Variants in PHACTR2 observed in about 807,000 individuals in gnomAD.
PHACTR2 encodes chromosome 6 open reading frame 56.
In PHACTR2, 30 loss-of-function variants were observed where a neutral mutation model predicts 76.0. The ratio of observed to expected loss-of-function variants is 0.39; its 90% CI spans 0.30 to 0.54. The LOEUF is 0.54. Among genes scored for constraint, PHACTR2 ranks in the 20% least tolerant of loss-of-function variants. PHACTR2 has a pLI of 0.61. For missense variants in PHACTR2, 696 were observed against 781.1 expected (o/e 0.89, Z 1.30); for synonymous variants, 292 against 292.5 (o/e 1.00, Z 0.02).
At position 143,811,786 on chromosome 6, in the gene PHACTR2, C is replaced by A. The variant is rs147699840; in HGVS notation, c.1922+4653C>A. Reference sequence around the variant, plus strand: ...GATTTTCAAGCTGTTTTCAGTAATTCTTTTAAGGGGAAAAAGTTCTGGTAA... The same window carrying A: ...GATTTTCAAGCTGTTTTCAGTAATTATTTTAAGGGGAAAAAGTTCTGGTAA... On this transcript the variant is annotated intron_variant, in intron 12 of 12. Coordinates refer to ENST00000440869, the MANE Select transcript of PHACTR2 (RefSeq NM_001100164.2). This position sits in a 1 kb window ranked among gnomAD's most constrained non-coding sequence, Gnocchi z 4.1. Among the ~76,000 whole-genome samples the A allele has an allele frequency of 4.7e-3, 714 of 152,108 alleles. 7 individuals carry two copies. Among genetic ancestry groups the A allele is most frequent in the African/African-American group, 0.016 (682 of 41,514 alleles).
In PHACTR2 at chr6:143,806,498, G is replaced by A. The variant is rs1279964639; in HGVS notation, c.1846-559G>A. ...AAATGTCATGACCTGCACTTTCCTT[G>A]TGGTCATCGTGGGTGGGGGATGTTC... On this transcript the variant is annotated intron_variant, in intron 11 of 12. Transcript: ENST00000440869. The surrounding 1 kb of genome is among the most constrained non-coding windows in gnomAD (Gnocchi z 5.8). Among the ~76,000 whole-genome samples, 1 of 152,152 alleles carries A rather than the reference G, an allele frequency of 6.6e-6. No individual in the cohort carries two copies. The highest frequency in any genetic ancestry group is 2.4e-5 in the African/African-American group (1 of 41,430).
At position 143,820,675 on chromosome 6, in the gene PHACTR2, A is replaced by G. The variant is rs1313455786; in HGVS notation, c.1923-2999A>G. 6.6e-6 allele frequency among the ~76,000 whole-genome samples: 1 copy of G among 152,210 alleles called. No homozygotes were observed. Among genetic ancestry groups the G allele is most frequent in the Non-Finnish European group, 1.5e-5 (1 of 68,040 alleles). On this transcript the variant is annotated intron_variant, in intron 12 of 12. Coordinates refer to ENST00000440869, the MANE Select transcript of PHACTR2 (RefSeq NM_001100164.2). The surrounding 1 kb of genome is among the most constrained non-coding windows in gnomAD (Gnocchi z 4.2). ...TGTGGCTTTTCCAGGCACAGGGTGC[A>G]AGCTGCCAGTGGATCTACCATTCTG...
In PHACTR2 at chr6:143,539,469, C is replaced by T. The variant is rs1781152733; in HGVS notation, c.217+2262C>T. 6.6e-6 allele frequency among the ~76,000 whole-genome samples: 1 copy of T among 152,204 alleles called. No homozygotes were observed. Among genetic ancestry groups the T allele is most frequent in the Non-Finnish European group, 1.5e-5 (1 of 68,038 alleles). On this transcript the variant is annotated intron_variant, in intron 1 of 11. Transcript: ENST00000367584. The surrounding 1 kb of genome is among the most constrained non-coding windows in gnomAD (Gnocchi z 4.3). ...CACAGAGTATTTCTCCAGCATGCCC[C>T]ACAGCCTCTGCAGCCTCTGTAAGCC...
In PHACTR2 at chr6:143,662,942, T is replaced by C. The variant is rs903709843; in HGVS notation, c.14-49074T>C. Among the ~76,000 whole-genome samples the C allele has an allele frequency of 5.3e-5, 8 of 152,184 alleles. No individual in the cohort carries two copies. The highest frequency in any genetic ancestry group is 1.9e-4 in the African/African-American group (8 of 41,446). On this transcript the variant is annotated intron_variant, in intron 1 of 11. Coordinates refer to the PHACTR2 transcript ENST00000305766. The surrounding 1 kb of genome is among the most constrained non-coding windows in gnomAD (Gnocchi z 4.7). Reference sequence around the variant, plus strand: ...GTGTGCTCAATGTTTAGCTCCCACTTATAAGTGAGAATATGTGATATTTGG... The same window carrying C: ...GTGTGCTCAATGTTTAGCTCCCACTCATAAGTGAGAATATGTGATATTTGG...
At chr6:143,666,978 C>T (rs1296483966) in intron 1 of PHACTR2, among the ~76,000 whole-genome samples, 7 of 152,058 alleles carry the variant, frequency 4.6e-5, no homozygotes, top group Admixed American at 6.6e-5. Context: ...ATGGTATTGC[C>T]GAGGTTTTCT....
Position 143,753,085 on chromosome 6 carries a change from AT to A in PHACTR2, c.296-667del, listed in dbSNP as rs1426094801. The stretch of plus-strand genomic sequence containing the variant: ...TTTTTTTTTTCTCGAATGTTTTCAA[AT>A]TATTTTTAGGACAACTTAGGGACTT... On this transcript the variant is annotated intron_variant, in intron 3 of 12. Transcript: ENST00000440869. This position sits in a 1 kb window ranked among gnomAD's most constrained non-coding sequence, Gnocchi z 4.6. Among the ~76,000 whole-genome samples the A allele has an allele frequency of 6.6e-6, 1 of 151,714 alleles. No individual in the cohort carries two copies. The highest frequency in any genetic ancestry group is 6.6e-5 in the Admixed American group (1 of 15,246).
At position 143,680,229 on chromosome 6, in the gene PHACTR2, A is replaced by C. The variant is rs991781991; in HGVS notation, c.46+2020A>C. On this transcript the variant is annotated intron_variant, in intron 1 of 12. Coordinates refer to ENST00000440869, the MANE Select transcript of PHACTR2 (RefSeq NM_001100164.2). The surrounding 1 kb of genome is among the most constrained non-coding windows in gnomAD (Gnocchi z 4.5). Reference sequence around the variant, plus strand: ...ATTTTTCTGAGTCTGAGACTGTCAAACTCTCTACTATTCCAGGTATTTTGT... The same window carrying C: ...ATTTTTCTGAGTCTGAGACTGTCAACCTCTCTACTATTCCAGGTATTTTGT... Among the ~76,000 whole-genome samples, 1 of 151,928 alleles carries C rather than the reference A, an allele frequency of 6.6e-6. No homozygotes were observed. The highest frequency in any genetic ancestry group is 1.5e-5 in the Non-Finnish European group (1 of 67,962).
intron 1 of PHACTR2, among the ~76,000 whole-genome samples, chr6:143,588,429 T>G (rs1005211025): frequency 4.4e-5 from 5 of 114,616 alleles, no homozygotes; most frequent in Non-Finnish European, 9.6e-5. Context: ...GCCGCTTTGA[T>G]GAAAAGATCT....
rs568844888 is a variant in PHACTR2 at position 143,610,617 on chromosome 6, G to T, written c.13+2295G>T. ...CGCTGCATCAGGATATTTGTGCATG[G>T]TTTCTGCTGTTAACAAGTAAAGTAA... is the stretch of plus-strand genomic sequence containing the variant. On this transcript the variant is annotated intron_variant, in intron 1 of 11. Coordinates refer to the PHACTR2 transcript ENST00000305766. This position sits in a 1 kb window ranked among gnomAD's most constrained non-coding sequence, Gnocchi z 4.9. Among the ~76,000 whole-genome samples the T allele has an allele frequency of 3.3e-5, 5 of 152,306 alleles. No homozygotes were observed. The East Asian group carries it at 7.7e-4, about 23-fold the overall frequency.
intron 1 of PHACTR2, among the ~76,000 whole-genome samples, chr6:143,572,663 A>T (rs1775457143): frequency 6.6e-6 from 1 of 152,066 alleles, no homozygotes; most frequent in Non-Finnish European, 1.5e-5. Context: ...AGCAATCCTC[A>T]TGCCTCAGCC....
At position 143,678,480 on chromosome 6, in the gene PHACTR2, A is replaced by G. The variant is rs1443536165; in HGVS notation, c.46+271A>G. Among the ~76,000 whole-genome samples the G allele has an allele frequency of 6.6e-6, 1 of 152,246 alleles. No homozygotes were observed. Among genetic ancestry groups the G allele is most frequent in the African/African-American group, 2.4e-5 (1 of 41,478 alleles). On this transcript the variant is annotated intron_variant, in intron 1 of 12. Coordinates refer to ENST00000440869, the MANE Select transcript of PHACTR2 (RefSeq NM_001100164.2). This position sits in a 1 kb window ranked among gnomAD's most constrained non-coding sequence, Gnocchi z 6.2. ...TTTTTATCCAAATTATTTCGGAGCC[A>G]GAAACTTACGGGAAACGCCATTTGC...
Position 143,821,741 on chromosome 6 carries a change from C to T in PHACTR2, c.1923-1933C>T, listed in dbSNP as rs377041080. Among the ~76,000 whole-genome samples the T allele has an allele frequency of 6.6e-6, 1 of 152,158 alleles. No individual in the cohort carries two copies. Among genetic ancestry groups the T allele is most frequent in the Non-Finnish European group, 1.5e-5 (1 of 68,032 alleles). The stretch of plus-strand genomic sequence containing the variant: ...AGGTGTGGTGGATCAAACCTGTAAT[C>T]GCAGCACGCTGGGAGGCCGAGGACA... On this transcript the variant is annotated intron_variant, in intron 12 of 12. Coordinates refer to ENST00000440869, the MANE Select transcript of PHACTR2 (RefSeq NM_001100164.2). The surrounding 1 kb of genome is among the most constrained non-coding windows in gnomAD (Gnocchi z 5.2).
chr6:143,639,170 GCTTT>G lies in PHACTR2; in HGVS notation c.13+30850_13+30853del, dbSNP rs1270707585. ...TATTTTTGAATCATTACATCTTTCT[GCTTT>G]CATGAGCCACCAATGACATGCTTCA... On this transcript the variant is annotated intron_variant, in intron 1 of 11. Transcript: ENST00000305766. This position sits in a 1 kb window ranked among gnomAD's most constrained non-coding sequence, Gnocchi z 5.0. 6.6e-6 allele frequency among the ~76,000 whole-genome samples: 1 copy of G among 152,160 alleles called. No individual in the cohort carries two copies. Among genetic ancestry groups the G allele is most frequent in the African/African-American group, 2.4e-5 (1 of 41,444 alleles).
chr6:143,636,803 C>A (rs148785641), intron 1 of PHACTR2, among the ~76,000 whole-genome samples: 1 of 152,174 alleles, frequency 6.6e-6, no homozygotes, highest in East Asian at 1.9e-4. Flanking sequence ...GATACATACC[C>A]AACTCACCAA....
At position 143,659,723 on chromosome 6, in the gene PHACTR2, A is replaced by G. The variant is rs768962635; in HGVS notation, c.13+51401A>G. ...TTCACATCTGTCCACCATGCTCCCAATGGTAAGAAGCATTTATTGTAGTAC... is the reference window on the plus strand; with the variant it reads ...TTCACATCTGTCCACCATGCTCCCAGTGGTAAGAAGCATTTATTGTAGTAC... On this transcript the variant is annotated intron_variant, in intron 1 of 11. Coordinates refer to the PHACTR2 transcript ENST00000305766. The surrounding 1 kb of genome is among the most constrained non-coding windows in gnomAD (Gnocchi z 5.0). Among the ~76,000 whole-genome samples, 3 of 152,162 alleles carry G rather than the reference A, an allele frequency of 2.0e-5. No homozygotes were observed. The highest frequency in any genetic ancestry group is 4.4e-5 in the Non-Finnish European group (3 of 68,020).
intron 1 of PHACTR2, among the ~76,000 whole-genome samples, chr6:143,582,252 C>T (rs996097399): frequency 6.6e-6 from 1 of 152,138 alleles, no homozygotes; most frequent in Non-Finnish European, 1.5e-5. Flanking sequence ...CTGCAATTCC[C>T]ATACATTGCT....
Position 143,646,866 on chromosome 6 carries a change from C to T in PHACTR2, c.13+38544C>T, listed in dbSNP as rs190359871. Among the ~76,000 whole-genome samples, 11 of 152,286 alleles carry T rather than the reference C, an allele frequency of 7.2e-5. No homozygotes were observed. The East Asian group carries it at 1.5e-3, about 21-fold the overall frequency. On this transcript the variant is annotated intron_variant, in intron 1 of 11. Transcript: ENST00000305766. This position sits in a 1 kb window ranked among gnomAD's most constrained non-coding sequence, Gnocchi z 4.1. Reference sequence around the variant, plus strand: ...AGCTTAGTGTCTGAATAGCAGAGAACGTTTTCTCATCCTTAGTTATGTTTG... The same window carrying T: ...AGCTTAGTGTCTGAATAGCAGAGAATGTTTTCTCATCCTTAGTTATGTTTG...
Position 143,633,958 on chromosome 6 carries a change from T to C in PHACTR2, c.13+25636T>C, listed in dbSNP as rs551738041. ...GCCAATATTTTACTTAACAAGGCAG[T>C]ATCATAAAATGACTATGATAATTAT... On this transcript the variant is annotated intron_variant, in intron 1 of 11. Coordinates refer to the PHACTR2 transcript ENST00000305766. This position sits in a 1 kb window ranked among gnomAD's most constrained non-coding sequence, Gnocchi z 4.1. Among the ~76,000 whole-genome samples, 1 of 152,364 alleles carries C rather than the reference T, an allele frequency of 6.6e-6. No homozygotes were observed. The highest frequency in any genetic ancestry group is 1.9e-4 in the East Asian group (1 of 5,192).
In PHACTR2 at chr6:143,596,828, A is replaced by G. The variant is rs1778069034; in HGVS notation, c.217+59621A>G. 1.3e-5 allele frequency among the ~76,000 whole-genome samples: 2 copies of G among 150,850 alleles called. No individual in the cohort carries two copies. Among genetic ancestry groups the G allele is most frequent in the Non-Finnish European group, 3.0e-5 (2 of 67,620 alleles). ...ATTCCAGCTTGAGTGACAGAGTGAG[A>G]CCTCATCTCAAAAAAAATAAAAATA... On this transcript the variant is annotated intron_variant, in intron 1 of 11. Coordinates refer to the PHACTR2 transcript ENST00000367584. The surrounding 1 kb of genome is among the most constrained non-coding windows in gnomAD (Gnocchi z 4.6).
Sources: gnomAD v4.1 joint callset for allele counts (sites outside exome capture counted in the v4.1 genomes callset) on GRCh38, gnomAD v4.1.1 for gene constraint, Gnocchi (gnomAD v3.1) non-coding constraint, MANE v1.5 for transcripts, NCBI Gene and HGNC (gene_info 2026-07-23, HGNC 2026-07-21) for gene names.